The following PRR16 variants were observed in gnomAD, a reference collection of about 807,000 sequenced individuals.
The protein encoded by PRR16 is protein Largen.
A neutral mutation model predicts 18.2 loss-of-function variants in PRR16; 6 were observed. The observed-to-expected ratio is 0.33, with a 90% CI of 0.18 to 0.65. The LOEUF (loss-of-function observed/expected upper bound fraction) is 0.65, where lower values mean the gene tolerates loss of function less well. PRR16 is among the 30% of genes least tolerant of loss of function. The pLI is 0.74. For missense variants in PRR16, 412 were observed against 376.6 expected (o/e 1.09, Z -0.78); for synonymous variants, 151 against 147.8 (o/e 1.02, Z -0.16).
chr5:120,486,747 C>T (rs1347984498), intron 1 of PRR16, among the ~76,000 whole-genome samples: 2 of 152,070 alleles, frequency 1.3e-5, no homozygotes, highest in South Asian at 4.1e-4. Context: ...ATGGTATTGC[C>T]TAGGTTTTCT....
chr5:120,689,757 TG>T (rs1561618833), downstream of PRR16, among the ~76,000 whole-genome samples: 1 of 148,678 alleles, frequency 6.7e-6, no homozygotes, highest in African/African-American at 2.4e-5. Flanking sequence ...CAGGGTGTTT[TG>T]GTTTTTTTTT....
chr5:120,586,973 A>T (rs1753467773), intron 1 of PRR16, among the ~76,000 whole-genome samples: 1 of 152,218 alleles, frequency 6.6e-6, no homozygotes. Flanking sequence ...GAAGAAAATT[A>T]AAAGTACTTC....
At chr5:120,495,389 A>T (rs1439946522) in intron 1 of PRR16, among the ~76,000 whole-genome samples, 1 of 152,082 alleles carries the variant, frequency 6.6e-6, no homozygotes, top group East Asian at 1.9e-4. Flanking sequence ...AAATTTGTTG[A>T]TGCTGAAGTT....
the PRR16 span, among the ~76,000 whole-genome samples, chr5:120,698,230 G>T: frequency 6.6e-6 from 1 of 151,904 alleles, no homozygotes; most frequent in Non-Finnish European, 1.5e-5. Context: ...TTGTGGTAAG[G>T]GGTGATACTG....
chr5:120,718,258 A>G, the PRR16 span, among the ~76,000 whole-genome samples: 1 of 152,146 alleles, frequency 6.6e-6, no homozygotes, highest in African/African-American at 2.4e-5. Flanking sequence ...AATCTATGTC[A>G]TATAGGACAC....
intron 1 of PRR16, among the ~76,000 whole-genome samples, chr5:120,518,964 T>G (rs1015154512): frequency 6.6e-5 from 10 of 152,176 alleles, no homozygotes; most frequent in Non-Finnish European, 1.2e-4. Context: ...TTTAAGATAC[T>G]GTAGTTATTT....
At chr5:120,625,132 C>G (rs1325467128) in intron 1 of PRR16, among the ~76,000 whole-genome samples, 3 of 151,906 alleles carry the variant, frequency 2.0e-5, no homozygotes, top group African/African-American at 7.2e-5. Context: ...CATTTTTTTG[C>G]CTTTCTTTTG....
At chr5:120,758,999 G>A in the PRR16 span, among the ~76,000 whole-genome samples, 19,090 of 115,414 alleles carry the variant, frequency 0.17, 1,771 homozygotes, top group Admixed American at 0.22. Flanking sequence ...TTTTTGAGAC[G>A]GAGTCTTGCT....
chr5:120,734,540 G>C, the PRR16 span, among the ~76,000 whole-genome samples: 1 of 80,232 alleles, frequency 1.2e-5, no homozygotes, highest in Non-Finnish European at 3.0e-5. Flanking sequence ...ATGCTAACCC[G>C]GCTGGGATTT....
chr5:120,700,824 G>A, the PRR16 span, among the ~76,000 whole-genome samples: 6 of 152,152 alleles, frequency 3.9e-5, no homozygotes, highest in African/African-American at 1.4e-4. Flanking sequence ...GGTCTAGGGG[G>A]CTTCCGAGGC....
At chr5:120,609,161 T>C (rs1042785174) in intron 1 of PRR16, among the ~76,000 whole-genome samples, 1 of 152,146 alleles carries the variant, frequency 6.6e-6, no homozygotes, top group Non-Finnish European at 1.5e-5. Context: ...TTCAATTGTT[T>C]TTGGTATATT....
chr5:120,750,238 A>T, the PRR16 span, among the ~76,000 whole-genome samples: 5 of 152,156 alleles, frequency 3.3e-5, no homozygotes, highest in Admixed American at 3.3e-4. Context: ...AAATTAATAT[A>T]AGAGCCTAAT....
chr5:120,560,764 A>AATTTT (rs1752550005), intron 1 of PRR16, among the ~76,000 whole-genome samples: 1 of 151,508 alleles, frequency 6.6e-6, no homozygotes, highest in Non-Finnish European at 1.5e-5. Context: ...TGGGTCCCAC[A>AATTTT]CTTTACTGGG....
chr5:120,720,422 A>C, the PRR16 span, among the ~76,000 whole-genome samples: 10 of 152,052 alleles, frequency 6.6e-5, no homozygotes, highest in African/African-American at 2.4e-4. Flanking sequence ...CATATAAAAA[A>C]GTGAAGTCCT....
chr5:120,731,561 T>G, the PRR16 span, among the ~76,000 whole-genome samples: 1 of 152,178 alleles, frequency 6.6e-6, no homozygotes, highest in Non-Finnish European at 1.5e-5. Context: ...TTTCCACCCC[T>G]GAAAAGCTAG....
intron 1 of PRR16, among the ~76,000 whole-genome samples, chr5:120,619,571 G>T (rs1189297962): frequency 2.0e-5 from 3 of 152,010 alleles, no homozygotes; most frequent in African/African-American, 7.2e-5. Flanking sequence ...ATGGTTTGTT[G>T]CTATACTAGC....
At chr5:120,703,784 G>T in the PRR16 span, among the ~76,000 whole-genome samples, 1 of 152,142 alleles carries the variant, frequency 6.6e-6, no homozygotes, top group Non-Finnish European at 1.5e-5. Flanking sequence ...CATTTACTTA[G>T]CTTGCAGTTT....
rs540598127 is a variant in PRR16, at chr5:120,582,857, A to G, written c.160-103097A>G. Among the ~76,000 whole-genome samples, 4 of 152,364 alleles carry G rather than the reference A, an allele frequency of 2.6e-5. No homozygotes were observed. In the South Asian group the frequency reaches 6.2e-4, roughly 24 times the overall value. ...TTGGCAGTTTGCCAGATCTACATTG[A>G]TTATTTATTGGTGCATAATAAATCA... On this transcript the variant is annotated intron_variant, in intron 1 of 1. Coordinates refer to ENST00000407149, the MANE Select transcript of PRR16 (RefSeq NM_001300783.2).
At chr5:120,754,373 ATATAACATATATAT>A in the PRR16 span, among the ~76,000 whole-genome samples, 1 of 42,670 alleles carries the variant, frequency 2.3e-5, no homozygotes, top group Admixed American at 4.1e-4. Context: ...AATATATAAT[ATATAACATATATAT>A]TATATGTTAT....
Sources: allele counts gnomAD v4.1 joint callset (sites outside exome capture counted in the v4.1 genomes callset), GRCh38; gene constraint gnomAD v4.1.1; transcripts MANE v1.5; gene names NCBI Gene and HGNC (gene_info 2026-07-23, HGNC 2026-07-21).